Variants in EPHB2 observed in about 807,000 individuals in gnomAD.
The protein encoded by EPHB2 is ephrin type-B receptor 2.
Under a neutral mutation model 96.4 loss-of-function variants are expected in EPHB2, and 18 were observed. That is an observed-to-expected ratio of 0.19 (90% CI 0.13 to 0.28). The LOEUF is 0.28. Ranked by LOEUF, EPHB2 falls within the 10% of genes least tolerant of loss-of-function variation. EPHB2 has a pLI of 1.00. For synonymous variants in EPHB2, 506 were observed against 534.1 expected, an observed-to-expected ratio of 0.95 and a Z score of 0.72; for missense variants, 989 against 1,355.4, an observed-to-expected ratio of 0.73 and a Z score of 4.25.
chr1:22,902,717 C>T (rs562587956), intron 9 of EPHB2, among the ~76,000 whole-genome samples: 1 of 152,306 alleles, frequency 6.6e-6, no homozygotes, highest in South Asian at 2.1e-4. Context: ...ACTAAGCCCT[C>T]ACGGGCAGCA....
chr1:22,882,383 A>G lies in EPHB2; in HGVS notation c.1328A>G (p.His443Arg). 6.2e-7 allele frequency: 1 copy of G among 1,614,076 alleles called. No individual in the cohort carries two copies. The highest frequency in any genetic ancestry group is 8.5e-7 in the Non-Finnish European group (1 of 1,179,988). ...QAAPSAVSIM[H>R]QVSRTVDSIT... ...GCTCCATCGGCAGTGTCCATCATGCATCAGGTGAGCCGCACCGTGGACAGC... is the reference window on the plus strand; with the variant it reads ...GCTCCATCGGCAGTGTCCATCATGCGTCAGGTGAGCCGCACCGTGGACAGC... The change falls in exon 6 of 16, where the codon CAT becomes CGT. Residue 443 changes from histidine (H) to arginine (R), a missense_variant. Coordinates refer to ENST00000374630, the MANE Select transcript of EPHB2 (RefSeq NM_017449.5).
chr1:22,884,613 C>T (rs1161835051), intron 6 of EPHB2, among the ~76,000 whole-genome samples: 1 of 100,924 alleles, frequency 9.9e-6, no homozygotes, highest in Non-Finnish European at 1.9e-5. Context: ...GAGTGAGATG[C>T]TGTCTCAAAA....
At chr1:22,889,711 G>C (rs1394653484) in intron 6 of EPHB2, among the ~76,000 whole-genome samples, 1 of 152,186 alleles carries the variant, frequency 6.6e-6, no homozygotes, top group Non-Finnish European at 1.5e-5. Flanking sequence ...CGATGAGTAG[G>C]ACACTGCAAG....
At chr1:22,865,753 G>A (rs980580496) in intron 5 of EPHB2, among the ~76,000 whole-genome samples, 7 of 152,124 alleles carry the variant, frequency 4.6e-5, no homozygotes, top group African/African-American at 7.2e-5. Flanking sequence ...CCTCAGTCAC[G>A]TGGCCTCACT....
At chr1:22,888,369 T>C (rs897541839) in intron 6 of EPHB2, among the ~76,000 whole-genome samples, 1 of 152,168 alleles carries the variant, frequency 6.6e-6, no homozygotes, top group Non-Finnish European at 1.5e-5. Context: ...ATAACAGTGA[T>C]GGTGGGAGCC....
At chr1:22,767,325 C>G (rs973154558) in intron 1 of EPHB2, among the ~76,000 whole-genome samples, 1 of 152,190 alleles carries the variant, frequency 6.6e-6, no homozygotes, top group Non-Finnish European at 1.5e-5. Context: ...CCTGCATCAG[C>G]TCTCACCTGA....
intron 14 of EPHB2, 108 bp downstream of exon 14, chr1:22,910,683 A>G (rs1383126511): frequency 7.1e-7 from 1 of 1,404,642 alleles, no homozygotes; most frequent in Non-Finnish European, 9.8e-7. Flanking sequence ...GCAGCTTGGG[A>G]TGGGGAAGGA....
At chr1:22,732,539 G>A (rs370205124) in intron 1 of EPHB2, among the ~76,000 whole-genome samples, 7 of 152,252 alleles carry the variant, frequency 4.6e-5, no homozygotes, top group African/African-American at 1.4e-4. Flanking sequence ...CTCAGTGCGC[G>A]TGTGCACACA....
chr1:22,738,513 A>C lies in EPHB2; in HGVS notation c.61+27470A>C, dbSNP rs531143303. The stretch of plus-strand genomic sequence containing the variant: ...ATTGCAGATGAGAAAACCAAGGTTC[A>C]CAGAAGCAAAGTAATTTCCCAGAAG... On this transcript the variant is annotated intron_variant, in intron 1 of 15. Coordinates refer to ENST00000374630, the MANE Select transcript of EPHB2 (RefSeq NM_017449.5). 9.2e-5 allele frequency among the ~76,000 whole-genome samples: 14 copies of C among 152,308 alleles called. 1 individual carries two copies. The East Asian group carries it at 2.7e-3, about 29-fold the overall frequency.
chr1:22,821,089 A>G (rs979655443), intron 3 of EPHB2, among the ~76,000 whole-genome samples: 1 of 152,228 alleles, frequency 6.6e-6, no homozygotes, highest in African/African-American at 2.4e-5. Flanking sequence ...TCTTGGTCCC[A>G]AGATCTAAGC....
At chr1:22,762,300 C>A (rs1244502578) in intron 1 of EPHB2, among the ~76,000 whole-genome samples, 3 of 152,182 alleles carry the variant, frequency 2.0e-5, no homozygotes, top group Non-Finnish European at 2.9e-5. Context: ...ATATGCTGGG[C>A]AGACTCCAGA....
At chr1:22,857,420 G>C (rs1340146055) in intron 3 of EPHB2, among the ~76,000 whole-genome samples, 3 of 152,088 alleles carry the variant, frequency 2.0e-5, no homozygotes, top group Non-Finnish European at 4.4e-5. Context: ...GGGCCAGGGA[G>C]ATGAAGGAGA....
intron 3 of EPHB2, among the ~76,000 whole-genome samples, chr1:22,792,571 G>GTCCATCCATCCA (rs372019690): frequency 4.6e-5 from 7 of 151,660 alleles, no homozygotes; most frequent in African/African-American, 1.7e-4. Flanking sequence ...CCATCCATTG[G>GTCCATCCATCCA]TCCATCCATC....
Position 22,784,347 on chromosome 1 carries a change from G to T in EPHB2, c.127-45G>T. 1 of 1,591,738 alleles carries T rather than the reference G, an allele frequency of 6.3e-7. No homozygotes were observed. The highest frequency in any genetic ancestry group is 8.6e-7 in the Non-Finnish European group (1 of 1,161,254). On this transcript the variant is annotated intron_variant, in intron 2 of 15. Transcript: ENST00000374630. This position sits in a 1 kb window ranked among gnomAD's most constrained non-coding sequence, Gnocchi z 5.1. Reference sequence around the variant, plus strand: ...TCCACCTTAGACTGAGTGTGTGCTGGGGCTGAGCCCTTACCTCCCCACCTG... The same window carrying T: ...TCCACCTTAGACTGAGTGTGTGCTGTGGCTGAGCCCTTACCTCCCCACCTG...
intron 1 of EPHB2, among the ~76,000 whole-genome samples, chr1:22,725,135 C>T (rs1274078681): frequency 6.6e-6 from 1 of 152,136 alleles, no homozygotes; most frequent in African/African-American, 2.4e-5. Flanking sequence ...CCCCACCATA[C>T]TGGGAGATTC....
At chr1:22,821,697 T>C (rs1187434483) in intron 3 of EPHB2, among the ~76,000 whole-genome samples, 1 of 152,226 alleles carries the variant, frequency 6.6e-6, no homozygotes, top group Non-Finnish European at 1.5e-5. Flanking sequence ...GGCCTTAGGG[T>C]AGTTGCCCTT....
chr1:22,821,651 C>T lies in EPHB2; in HGVS notation c.811+36575C>T, dbSNP rs576032687. 2.0e-5 allele frequency among the ~76,000 whole-genome samples: 3 copies of T among 152,340 alleles called. No individual in the cohort carries two copies. In the East Asian group the frequency reaches 5.8e-4, roughly 29 times the overall value. Reference sequence around the variant, plus strand: ...CATTTCTTCTGGTTCTTGGATTGTTCCTCTCACTTTCCCATTTTCCTCTCT... The same window carrying T: ...CATTTCTTCTGGTTCTTGGATTGTTTCTCTCACTTTCCCATTTTCCTCTCT... On this transcript the variant is annotated intron_variant, in intron 3 of 15. Coordinates refer to ENST00000374630, the MANE Select transcript of EPHB2 (RefSeq NM_017449.5).
At chr1:22,785,201 A>G (rs1644594069) in intron 3 of EPHB2, 125 bp downstream of exon 3, 4 of 1,225,186 alleles carry the variant, frequency 3.3e-6, no homozygotes, top group Admixed American at 2.6e-5. Flanking sequence ...CTCTAGGGCC[A>G]GGGTTTCCAA....
intron 3 of EPHB2, among the ~76,000 whole-genome samples, chr1:22,801,890 G>A (rs575830988): frequency 5.3e-5 from 8 of 152,310 alleles, no homozygotes; most frequent in African/African-American, 1.7e-4. Context: ...TGACCTCTGC[G>A]TGTTGGGAAT....
Sources: allele counts gnomAD v4.1 joint callset (sites outside exome capture counted in the v4.1 genomes callset), GRCh38; gene constraint gnomAD v4.1.1; non-coding constraint Gnocchi (gnomAD v3.1); transcripts MANE v1.5; gene names NCBI Gene and HGNC (gene_info 2026-07-23, HGNC 2026-07-21).